MEMO1: variants seen among roughly 807,000 people sequenced by gnomAD.
MEMO1 encodes mediator of cell motility 1, also known as protein MEMO1.
In MEMO1, 6 loss-of-function variants were observed where a neutral mutation model predicts 45.2. The ratio of observed to expected loss-of-function variants is 0.13; its 90% CI spans 0.07 to 0.26. MEMO1 has a LOEUF of 0.26. Ranked by LOEUF, MEMO1 falls within the 10% of genes least tolerant of loss-of-function variation. The pLI is 1.00. For synonymous variants in MEMO1, 78 were observed against 124.3 expected (o/e 0.63, Z 2.48); for missense variants, 184 against 370.5 (o/e 0.50, Z 4.13).
At chr2:31,966,298 T>C (rs954092863) in intron 2 of MEMO1, among the ~76,000 whole-genome samples, 2 of 152,236 alleles carry the variant, frequency 1.3e-5, no homozygotes, top group African/African-American at 2.4e-5. Flanking sequence ...AACAGAATTT[T>C]ACTAAGTTCT....
At chr2:31,883,923 G>A (rs185341499) in intron 7 of MEMO1, among the ~76,000 whole-genome samples, 9 of 150,758 alleles carry the variant, frequency 6.0e-5, no homozygotes, top group African/African-American at 2.2e-4. Context: ...AAAACCATGA[G>A]GTCGCAAATA....
intron 2 of MEMO1, among the ~76,000 whole-genome samples, chr2:31,994,963 A>C (rs1672402056): frequency 6.7e-6 from 1 of 149,498 alleles, no homozygotes; most frequent in Non-Finnish European, 1.5e-5. Flanking sequence ...GGAGGGAGGA[A>C]AAGAGGGAGA....
chr2:31,906,282 T>A (rs542103273), intron 6 of MEMO1, among the ~76,000 whole-genome samples: 1 of 151,488 alleles, frequency 6.6e-6, no homozygotes, highest in Admixed American at 6.6e-5. Flanking sequence ...GGAGTGCTAT[T>A]CTTTTGTTTT....
chr2:31,913,124 G>C (rs774424013), intron 6 of MEMO1, among the ~76,000 whole-genome samples: 2 of 151,912 alleles, frequency 1.3e-5, no homozygotes, highest in Non-Finnish European at 2.9e-5. Context: ...AATTAGCTGG[G>C]CATGGTGGCA....
intron 3 of MEMO1, among the ~76,000 whole-genome samples, chr2:31,939,209 G>GA (rs1665318395): frequency 6.6e-6 from 1 of 151,518 alleles, no homozygotes; most frequent in Non-Finnish European, 1.5e-5. Context: ...CTATGTTAAC[G>GA]AAATAGAAAT....
intron 3 of MEMO1, among the ~76,000 whole-genome samples, chr2:31,933,340 AAAAAAAAAATTTATATATAT>A (rs1664453418): frequency 3.5e-5 from 2 of 57,500 alleles, no homozygotes; most frequent in African/African-American, 1.5e-4. Context: ...AAAAAAAAAA[AAAAAAAAAATTTATATATAT>A]ATATATATAT....
rs547857206 is a variant in MEMO1, at chr2:31,899,604, C to T, written c.438-7470G>A. 7.9e-5 allele frequency among the ~76,000 whole-genome samples: 12 copies of T among 152,268 alleles called. No homozygotes were observed. The South Asian group carries it at 2.1e-3, about 26-fold the overall frequency. On this transcript the variant is annotated intron_variant, in intron 6 of 9. Transcript: ENST00000404530. The stretch of plus-strand genomic sequence containing the variant: ...CTCTAGAAGAAAACCTAGGCTATAC[C>T]ATTCAGGACATATGCATGGGCAAAG...
At chr2:31,962,433 T>C (rs1243671972) in intron 2 of MEMO1, among the ~76,000 whole-genome samples, 1 of 152,040 alleles carries the variant, frequency 6.6e-6, no homozygotes, top group Non-Finnish European at 1.5e-5. Context: ...GAGATAACTA[T>C]AAACCACGTG....
At chr2:31,891,594 G>T (rs1165348121) in intron 7 of MEMO1, among the ~76,000 whole-genome samples, 1 of 151,556 alleles carries the variant, frequency 6.6e-6, no homozygotes. Flanking sequence ...AAGGAAATGT[G>T]GAAAAGGACT....
At chr2:32,008,082 C>A (rs1299343365) in intron 2 of MEMO1, among the ~76,000 whole-genome samples, 1 of 152,152 alleles carries the variant, frequency 6.6e-6, no homozygotes, top group Non-Finnish European at 1.5e-5. Context: ...AGAGAATAGT[C>A]CTCTTTAGTT....
chr2:31,910,471 G>T (rs1680393268), intron 6 of MEMO1, among the ~76,000 whole-genome samples: 1 of 152,264 alleles, frequency 6.6e-6, no homozygotes, highest in East Asian at 1.9e-4. Flanking sequence ...ATGGATAAGT[G>T]AAACAAATGA....
At chr2:31,982,588 C>CAA (rs60208602) in intron 2 of MEMO1, among the ~76,000 whole-genome samples, 1,363 of 70,036 alleles carry the variant, frequency 0.019, 26 homozygotes, top group African/African-American at 0.051. Context: ...GACTCCGTCT[C>CAA]AAAAAAAAAA....
intron 6 of MEMO1, among the ~76,000 whole-genome samples, chr2:31,902,115 C>T (rs1678930509): frequency 6.6e-6 from 1 of 151,842 alleles, no homozygotes; most frequent in South Asian, 2.1e-4. Flanking sequence ...GACCCCTAAT[C>T]TTAAAAACAA....
intron 3 of MEMO1, among the ~76,000 whole-genome samples, chr2:31,939,634 C>T (rs1248015588): frequency 3.3e-5 from 5 of 152,136 alleles, no homozygotes; most frequent in Admixed American, 6.5e-5. Context: ...GAATGTCTCT[C>T]GTGAGTTACT....
At chr2:31,935,700 C>G (rs1664836878) in intron 3 of MEMO1, among the ~76,000 whole-genome samples, 1 of 152,124 alleles carries the variant, frequency 6.6e-6, no homozygotes, top group Non-Finnish European at 1.5e-5. Flanking sequence ...TGAAGAAAAT[C>G]AGAATAATGA....
At chr2:31,995,006 G>T (rs931841379) in intron 2 of MEMO1, among the ~76,000 whole-genome samples, 2 of 147,984 alleles carry the variant, frequency 1.4e-5, no homozygotes, top group South Asian at 4.4e-4. Context: ...GGGAGAGAGG[G>T]AGGGAGGGAG....
intron 6 of MEMO1, among the ~76,000 whole-genome samples, chr2:31,893,612 G>A (rs1159223503): frequency 1.3e-5 from 2 of 152,174 alleles, no homozygotes; most frequent in East Asian, 1.9e-4. Context: ...GGGTTCAAGT[G>A]CCATCCCCAC....
intron 2 of MEMO1, among the ~76,000 whole-genome samples, chr2:31,996,915 A>T (rs1020575368): frequency 1.3e-5 from 2 of 152,156 alleles, no homozygotes; most frequent in African/African-American, 2.4e-5. Flanking sequence ...TATTACTTTC[A>T]AAAGAACATG....
intron 6 of MEMO1, among the ~76,000 whole-genome samples, chr2:31,893,763 A>G (rs1677300989): frequency 6.6e-6 from 1 of 152,136 alleles, no homozygotes; most frequent in South Asian, 2.1e-4. Flanking sequence ...CTTCGTCACA[A>G]GAGTTGGCTC....
Sources: gnomAD v4.1 joint callset for allele counts (sites outside exome capture counted in the v4.1 genomes callset) on GRCh38, gnomAD v4.1.1 for gene constraint, MANE v1.5 for transcripts, NCBI Gene and HGNC (gene_info 2026-07-23, HGNC 2026-07-21) for gene names.